Variants in CFAP99 observed in about 807,000 individuals in gnomAD.
The protein encoded by CFAP99 is cilia- and flagella-associated protein 99.
CFAP99 carries 84 observed loss-of-function variants against 82.7 expected under a neutral mutation model. The ratio of observed to expected loss-of-function variants is 1.02; its 90% CI spans 0.85 to 1.22. The LOEUF (loss-of-function observed/expected upper bound fraction) is 1.22, where lower values mean the gene tolerates loss of function less well. Ranked by LOEUF, CFAP99 falls within the 50% of genes most tolerant of loss-of-function variation. The pLI, the probability that CFAP99 is intolerant of heterozygous loss-of-function variation, is 0.00. For synonymous variants in CFAP99, 456 were observed against 429.5 expected (o/e 1.06, Z -0.76); for missense variants, 1,059 against 983.5 (o/e 1.08, Z -1.03).
At chr4:2,426,579 C>T in exon 2 of CFAP99, 1 of 1,534,054 alleles carries the variant, frequency 6.5e-7, no homozygotes, top group Non-Finnish European at 8.7e-7. Flanking sequence ...GCGGCCACCT[C>T]CCTGCAGGTA....
intron 4 of CFAP99, among the ~76,000 whole-genome samples, chr4:2,438,426 C>A (rs1733967757): frequency 6.6e-6 from 1 of 152,138 alleles, no homozygotes; most frequent in African/African-American, 2.4e-5. Context: ...CCACACCCGG[C>A]TATTTTTTTG....
At chr4:2,443,232 C>T in exon 5 of CFAP99, 3 of 1,533,836 alleles carry the variant, frequency 2.0e-6, no homozygotes, top group Non-Finnish European at 2.6e-6. Flanking sequence ...CTGGATCGAC[C>T]CCCTGATGAG....
chr4:2,445,224 G>A, exon 6 of CFAP99: 1 of 1,463,886 alleles, frequency 6.8e-7, no homozygotes, highest in Non-Finnish European at 9.0e-7. Flanking sequence ...AGGTCACAGA[G>A]CCCAAGGAAT....
At chr4:2,450,826 A>C (rs1734282685) in intron 8 of CFAP99, 121 bp from the exon 9 acceptor site, 3 of 737,558 alleles carry the variant, frequency 4.1e-6, no homozygotes, top group South Asian at 1.6e-5. Flanking sequence ...AGCTGGGGGG[A>C]GGATGAAGAG....
chr4:2,449,346 C>A (rs548350081), intron 6 of CFAP99, among the ~76,000 whole-genome samples: 1 of 152,258 alleles, frequency 6.6e-6, no homozygotes, highest in South Asian at 2.1e-4. Flanking sequence ...CTGCCTCCCC[C>A]TCTTGCTCCT....
At position 2,462,791 on chromosome 4, in the gene CFAP99, C is replaced by T. The variant is rs978231710; in HGVS notation, c.2010C>T (p.Asp670=). Residue 670 remains aspartate (D), a synonymous_variant, in exon 15 of 15, where the codon GAC becomes GAT. Transcript: ENST00000635017. The surrounding 1 kb of genome is among the most constrained non-coding windows in gnomAD (Gnocchi z 4.1). ...GTGGGGGCGTCCCTGCCCGCGCCGA[C>T]GCGTTCCCCGGCCTGCAGGCGCAGC... is the stretch of plus-strand genomic sequence containing the variant. The T allele has an allele frequency of 7.0e-6, 9 of 1,288,484 alleles. No individual in the cohort carries two copies. The highest frequency in any genetic ancestry group is 7.8e-6 in the Non-Finnish European group (8 of 1,020,414). The allele number at this position is 1,288,484 out of a possible 1,614,324, so 79.8% of individuals were successfully genotyped here.
intron 2 of CFAP99, 200 bp downstream of exon 2, chr4:2,426,786 G>A: frequency 1.7e-6 from 1 of 571,986 alleles, no homozygotes. Flanking sequence ...CCAGGCTCTG[G>A]TGAAAGAAGC....
At chr4:2,431,860 G>A (rs190820203) in intron 2 of CFAP99, among the ~76,000 whole-genome samples, 34 of 152,116 alleles carry the variant, frequency 2.2e-4, no homozygotes, top group African/African-American at 7.7e-4. Flanking sequence ...GGAATTACAG[G>A]CACGAGCCAC....
intron 2 of CFAP99, among the ~76,000 whole-genome samples, chr4:2,430,549 A>G (rs1445687340): frequency 1.3e-5 from 2 of 151,302 alleles, no homozygotes; most frequent in African/African-American, 4.9e-5. Flanking sequence ...GTGAAATGCC[A>G]GAAAATTACG....
intron 11 of CFAP99, among the ~76,000 whole-genome samples, chr4:2,458,014 G>A (rs887288303): frequency 6.6e-6 from 1 of 152,142 alleles, no homozygotes; most frequent in Non-Finnish European, 1.5e-5. Flanking sequence ...CCTTTTCTGT[G>A]GACTGCTGCT....
At chr4:2,429,738 C>T (rs969005961) in intron 2 of CFAP99, among the ~76,000 whole-genome samples, 12 of 152,106 alleles carry the variant, frequency 7.9e-5, no homozygotes, top group Non-Finnish European at 1.5e-4. Context: ...ACTACAGGCG[C>T]CCGCCACCAC....
At chr4:2,444,884 T>A (rs984236671) in intron 5 of CFAP99, among the ~76,000 whole-genome samples, 2 of 152,176 alleles carry the variant, frequency 1.3e-5, no homozygotes, top group African/African-American at 4.8e-5. Flanking sequence ...CATGGCCCAA[T>A]GCCTCTGGGC....
At chr4:2,450,303 T>C (rs1247426092) in intron 8 of CFAP99, 8 of 443,758 alleles carry the variant, frequency 1.8e-5, no homozygotes, top group Admixed American at 1.4e-4. Flanking sequence ...TTCATGTCTC[T>C]GTAAGGAAAA....
chr4:2,442,263 T>C (rs1467932542), intron 4 of CFAP99, among the ~76,000 whole-genome samples: 1 of 149,940 alleles, frequency 6.7e-6, no homozygotes, highest in Non-Finnish European at 1.5e-5. Flanking sequence ...AGAAGGAAGG[T>C]AAGTAGAGAC....
chr4:2,445,513 G>A (rs1459249580), intron 6 of CFAP99, among the ~76,000 whole-genome samples: 1 of 152,172 alleles, frequency 6.6e-6, no homozygotes, highest in African/African-American at 2.4e-5. Flanking sequence ...CCACCCAGTG[G>A]GTTCCCACAC....
rs114713801 is a variant in CFAP99 at position 2,461,982 on chromosome 4, A to C, written c.1662-461A>C. ...AGTACACCTGTAATACTTTTTTAAA[A>C]AAATGTTAAGTTTAAAAAAAAAAAA... On this transcript the variant is annotated intron_variant, in intron 14 of 14. Transcript: ENST00000635017. Among the ~76,000 whole-genome samples, 879 of 151,802 alleles carry C rather than the reference A, an allele frequency of 5.8e-3. 7 individuals carry two copies. The highest frequency in any genetic ancestry group is 0.02 in the African/African-American group (816 of 41,342).
At chr4:2,459,708 G>A (rs1734566344) in intron 13 of CFAP99, among the ~76,000 whole-genome samples, 1 of 152,194 alleles carries the variant, frequency 6.6e-6, no homozygotes, top group Admixed American at 6.5e-5. Context: ...GCCAGCTGCA[G>A]GGCCTGGCCC....
exon 7 of CFAP99, chr4:2,449,730 T>C: frequency 1.3e-6 from 2 of 1,535,842 alleles, no homozygotes; most frequent in Non-Finnish European, 1.7e-6. Flanking sequence ...AGTCAAGAGG[T>C]ACAACCGCCG....
chr4:2,451,295 C>A (rs1240252095), exon 10 of CFAP99: 1 of 1,536,100 alleles, frequency 6.5e-7, no homozygotes, highest in Non-Finnish European at 8.7e-7. Context: ...CTGAACACCA[C>A]AGCCATCCTG....
Sources: gnomAD v4.1 joint callset for allele counts (sites outside exome capture counted in the v4.1 genomes callset) on GRCh38, gnomAD v4.1.1 for gene constraint, Gnocchi (gnomAD v3.1) non-coding constraint, MANE v1.5 for transcripts, NCBI Gene and HGNC (gene_info 2026-07-23, HGNC 2026-07-21) for gene names.